DOCK7: variants seen among roughly 807,000 people sequenced by gnomAD.
DOCK7 encodes the protein dedicator of cytokinesis protein 7.
DOCK7 carries 138 observed loss-of-function variants against 271.0 expected under a neutral mutation model. That is an observed-to-expected ratio of 0.51 (90% CI 0.44 to 0.59). The LOEUF is 0.59. Ranked by LOEUF, DOCK7 falls within the 20% of genes least tolerant of loss-of-function variation. The pLI is 0.00. For synonymous variants in DOCK7, 823 were observed against 876.1 expected (o/e 0.94, Z 1.07); for missense variants, 2,066 against 2,592.4 (o/e 0.80, Z 4.41).
chr1:62,514,953 G>T (rs999306197), intron 31 of DOCK7, among the ~76,000 whole-genome samples: 23 of 152,226 alleles, frequency 1.5e-4, no homozygotes, highest in African/African-American at 5.5e-4. Context: ...TAGAGGGGAT[G>T]TTGAGAGGAA....
chr1:62,601,876 A>C, intron 14 of DOCK7: 1 of 1,601,910 alleles, frequency 6.2e-7, no homozygotes, highest in Non-Finnish European at 8.5e-7. Context: ...CTGTGATGTT[A>C]TATCAGGTAA....
At chr1:62,491,014 A>C (rs1192234784) in intron 41 of DOCK7, among the ~76,000 whole-genome samples, 3 of 152,244 alleles carry the variant, frequency 2.0e-5, no homozygotes, top group Non-Finnish European at 2.9e-5. Context: ...AGGCGCTGTG[A>C]TAAGCACTTT....
intron 12 of DOCK7, among the ~76,000 whole-genome samples, chr1:62,621,045 G>A (rs993046815): frequency 1.7e-4 from 26 of 152,106 alleles, no homozygotes; most frequent in African/African-American, 6.0e-4. Flanking sequence ...GTTCATATTT[G>A]TGTTTTCAAC....
At chr1:62,499,087 C>T (rs1310810640) in intron 37 of DOCK7, among the ~76,000 whole-genome samples, 2 of 152,216 alleles carry the variant, frequency 1.3e-5, no homozygotes, top group Non-Finnish European at 2.9e-5. Context: ...CAGGCGTGAG[C>T]CACTGCGTCC....
At chr1:62,591,392 T>C (rs1648427614) in intron 14 of DOCK7, among the ~76,000 whole-genome samples, 1 of 152,020 alleles carries the variant, frequency 6.6e-6, no homozygotes, top group East Asian at 1.9e-4. Context: ...AAGATAACTA[T>C]TGGGTACTGG....
chr1:62,522,577 A>G (rs915021518), intron 31 of DOCK7, among the ~76,000 whole-genome samples: 9 of 152,154 alleles, frequency 5.9e-5, no homozygotes, highest in African/African-American at 2.2e-4. Context: ...AACCCAAAAC[A>G]TACAGAACAT....
rs550858056 is a variant in DOCK7, at chr1:62,535,064, G to A, written c.3611+429C>T. 4.6e-3 allele frequency among the ~76,000 whole-genome samples: 704 copies of A among 152,138 alleles called. 6 individuals are homozygous for A. Among genetic ancestry groups the A allele is most frequent in the African/African-American group, 0.016 (674 of 41,504 alleles). ...AGATCCTGCCACTGCACTCCAGCCC[G>A]GGTGACAGAGCAAGACTCTGCCTCA... On this transcript the variant is annotated intron_variant, in intron 29 of 49. Transcript: ENST00000635253.
In DOCK7 at chr1:62,634,933, T is replaced by A; in HGVS notation, c.886-11A>T. Reference sequence around the variant, plus strand: ...AAAGTTTTCTGAAATCTAAAAAATATTAGTATGTTAAACTTTAAAATATGT... The same window carrying A: ...AAAGTTTTCTGAAATCTAAAAAATAATAGTATGTTAAACTTTAAAATATGT... On this transcript the variant is annotated splice_polypyrimidine_tract_variant and intron_variant, in intron 8 of 49. Transcript: ENST00000635253. The A allele has an allele frequency of 1.3e-6, 2 of 1,568,028 alleles. No individual in the cohort carries two copies. The highest frequency in any genetic ancestry group is 8.7e-7 in the Non-Finnish European group (1 of 1,144,700).
At chr1:62,519,894 C>A (rs928542131) in intron 31 of DOCK7, among the ~76,000 whole-genome samples, 9 of 152,080 alleles carry the variant, frequency 5.9e-5, no homozygotes, top group Non-Finnish European at 1.3e-4. Flanking sequence ...GGTACTGGTA[C>A]CAAAACAGAT....
At chr1:62,645,497 G>T (rs568539997) in intron 7 of DOCK7, among the ~76,000 whole-genome samples, 1 of 152,108 alleles carries the variant, frequency 6.6e-6, no homozygotes, top group African/African-American at 2.4e-5. Context: ...GAGACAGAAA[G>T]TAGGACAGTG....
At chr1:62,473,248 T>C (rs1304667890) in intron 48 of DOCK7, among the ~76,000 whole-genome samples, 3 of 152,118 alleles carry the variant, frequency 2.0e-5, no homozygotes, top group Non-Finnish European at 2.9e-5. Flanking sequence ...AGAAATTAAG[T>C]GACCTGGAAA....
intron 16 of DOCK7, among the ~76,000 whole-genome samples, chr1:62,582,234 A>G (rs896020317): frequency 6.6e-5 from 10 of 152,200 alleles, no homozygotes; most frequent in Non-Finnish European, 1.3e-4. Context: ...CTGCTAAATG[A>G]AGGCAAAGTG....
chr1:62,668,865 T>A (rs980311272), intron 1 of DOCK7, among the ~76,000 whole-genome samples: 51 of 147,602 alleles, frequency 3.5e-4, no homozygotes, highest in Admixed American at 7.5e-4. Flanking sequence ...GTCAAGGCTA[T>A]AGTAAGCCTT....
chr1:62,607,067 G>A (rs534693645), intron 14 of DOCK7, among the ~76,000 whole-genome samples: 20 of 152,018 alleles, frequency 1.3e-4, no homozygotes, highest in Admixed American at 4.6e-4. Context: ...TTAGCCAGGC[G>A]TGGTGGCATG....
intron 15 of DOCK7, among the ~76,000 whole-genome samples, chr1:62,585,298 G>A (rs932035970): frequency 7.2e-5 from 11 of 152,086 alleles, no homozygotes; most frequent in African/African-American, 2.4e-4. Context: ...ATCTTTCCCA[G>A]TATGTGGAAA....
chr1:62,677,495 C>T (rs1168122), intron 1 of DOCK7, among the ~76,000 whole-genome samples: 146,268 of 152,188 alleles, frequency 0.96, 70,588 homozygotes, highest in Middle Eastern at 1. Flanking sequence ...TTACAGGAGT[C>T]AACACTTTGT....
At chr1:62,683,970 T>A (rs1221180646) in intron 1 of DOCK7, among the ~76,000 whole-genome samples, 2 of 151,474 alleles carry the variant, frequency 1.3e-5, no homozygotes, top group Non-Finnish European at 1.5e-5. Context: ...CTGAGCGAGG[T>A]GGCTTACGCC....
Position 62,464,378 on chromosome 1 carries a change from G to A in DOCK7, c.6213-6673C>T, listed in dbSNP as rs1347089420. On this transcript the variant is annotated intron_variant, in intron 48 of 49. Transcript: ENST00000635253. ...GCCTAGCCATCAGTCTGTTTTAAAT[G>A]GTGCCTCAATTTGCTTTTATTGGCT... Among the ~76,000 whole-genome samples, 5 of 150,568 alleles carry A rather than the reference G, an allele frequency of 3.3e-5. No individual in the cohort carries two copies. In the East Asian group the frequency reaches 1.0e-3, roughly 30 times the overall value.
intron 1 of DOCK7, among the ~76,000 whole-genome samples, chr1:62,674,068 AC>A (rs1378399328): frequency 3.3e-5 from 5 of 152,200 alleles, no homozygotes; most frequent in African/African-American, 9.6e-5. Context: ...TCAGGAACCC[AC>A]AAAAAACTAC....
Sources: allele counts gnomAD v4.1 joint callset (sites outside exome capture counted in the v4.1 genomes callset), GRCh38; gene constraint gnomAD v4.1.1; transcripts MANE v1.5; gene names NCBI Gene and HGNC (gene_info 2026-07-23, HGNC 2026-07-21).